MGAT4C: variants seen among roughly 807,000 people sequenced by gnomAD.
MGAT4C encodes MGAT4 family member C, also known as alpha-1,3-mannosyl-glycoprotein 4-beta-N-acetylglucosaminyltransferase C.
A neutral mutation model predicts 40.1 loss-of-function variants in MGAT4C; 19 were observed. The ratio of observed to expected loss-of-function variants is 0.47; its 90% confidence interval spans 0.33 to 0.70. The LOEUF (loss-of-function observed/expected upper bound fraction) is 0.70. Among genes scored for constraint, MGAT4C ranks in the 30% least tolerant of loss-of-function variants. The pLI is 0.02. For missense variants in MGAT4C, 491 were observed against 563.2 expected (o/e 0.87, Z 1.30); for synonymous variants, 181 against 187.1 (o/e 0.97, Z 0.27).
At chr12:86,056,269 T>A (rs1222378497) in intron 1 of MGAT4C, among the ~76,000 whole-genome samples, 1 of 152,178 alleles carries the variant, frequency 6.6e-6, no homozygotes, top group East Asian at 1.9e-4. Flanking sequence ...CGTTCTAGGG[T>A]ACACGTGCAC....
At chr12:86,081,039 G>A (rs188121838) in intron 1 of MGAT4C, among the ~76,000 whole-genome samples, 8 of 152,280 alleles carry the variant, frequency 5.3e-5, no homozygotes, top group Non-Finnish European at 1.2e-4. Flanking sequence ...TAGTTGATGT[G>A]AATAGGTTAC....
At chr12:86,810,577 T>C (rs1454645927) in intron 1 of MGAT4C, among the ~76,000 whole-genome samples, 2 of 151,942 alleles carry the variant, frequency 1.3e-5, no homozygotes, top group African/African-American at 4.8e-5. Flanking sequence ...CTTGTGTCAA[T>C]GGATATGATC....
intron 3 of MGAT4C, among the ~76,000 whole-genome samples, chr12:86,432,202 C>A (rs1339227475): frequency 6.6e-6 from 1 of 151,960 alleles, no homozygotes; most frequent in Non-Finnish European, 1.5e-5. Flanking sequence ...ATGTAACTAC[C>A]TCAGAAAATT....
intron 2 of MGAT4C, among the ~76,000 whole-genome samples, chr12:86,046,307 A>T (rs1892390846): frequency 6.6e-6 from 1 of 152,216 alleles, no homozygotes; most frequent in South Asian, 2.1e-4. Context: ...AGAATGCAGT[A>T]GAACTGACAG....
chr12:86,338,958 CAAAAAAA>C (rs67462771), intron 3 of MGAT4C, among the ~76,000 whole-genome samples: 5 of 66,118 alleles, frequency 7.6e-5, no homozygotes, highest in Non-Finnish European at 1.3e-4. Context: ...GACTCCATCT[CAAAAAAA>C]AAAAAAAAAA....
At chr12:86,509,140 C>T (rs996916760) in intron 2 of MGAT4C, among the ~76,000 whole-genome samples, 1 of 152,092 alleles carries the variant, frequency 6.6e-6, no homozygotes, top group African/African-American at 2.4e-5. Flanking sequence ...TTGACCATGC[C>T]TATGTCCTGA....
At chr12:86,730,743 T>G (rs1950894555) in intron 1 of MGAT4C, among the ~76,000 whole-genome samples, 1 of 152,078 alleles carries the variant, frequency 6.6e-6, no homozygotes, top group African/African-American at 2.4e-5. Context: ...GCACATGACG[T>G]GGGTTAAAGA....
In MGAT4C at chr12:86,153,031, C is replaced by G. The variant is rs149171198; in HGVS notation, c.-57+103208G>C. Among the ~76,000 whole-genome samples, 85 of 152,240 alleles carry G rather than the reference C, an allele frequency of 5.6e-4. 1 individual carries two copies. The highest frequency in any genetic ancestry group is 1.0e-3 in the Non-Finnish European group (69 of 68,028). Reference sequence around the variant, plus strand: ...TGATAGTACAAACTGTTACATTTTCCACTTCACAGATCCCAATCTGCACCA... The same window carrying G: ...TGATAGTACAAACTGTTACATTTTCGACTTCACAGATCCCAATCTGCACCA... On this transcript the variant is annotated intron_variant, in intron 1 of 4. Transcript: ENST00000611864.
intron 3 of MGAT4C, among the ~76,000 whole-genome samples, chr12:86,419,387 T>C (rs905125353): frequency 1.3e-5 from 2 of 151,422 alleles, no homozygotes; most frequent in Non-Finnish European, 2.9e-5. Flanking sequence ...TACATACATA[T>C]ATATGTACAT....
At chr12:86,578,104 T>A (rs1055855435) in intron 2 of MGAT4C, among the ~76,000 whole-genome samples, 1 of 151,680 alleles carries the variant, frequency 6.6e-6, no homozygotes, top group African/African-American at 2.4e-5. Context: ...ATCCTCCAAA[T>A]GGCAAGAATA....
At chr12:86,246,333 C>T (rs879801583) in intron 1 of MGAT4C, among the ~76,000 whole-genome samples, 1 of 151,872 alleles carries the variant, frequency 6.6e-6, no homozygotes. Context: ...CTACAGGCGC[C>T]CGTCAACCAT....
At chr12:86,709,699 C>A (rs963109655) in intron 2 of MGAT4C, among the ~76,000 whole-genome samples, 1 of 152,088 alleles carries the variant, frequency 6.6e-6, no homozygotes, top group Non-Finnish European at 1.5e-5. Context: ...AAAGCAGGAA[C>A]CTTCCCTCTC....
chr12:86,355,547 C>G (rs11838114), intron 3 of MGAT4C, among the ~76,000 whole-genome samples: 9,796 of 151,992 alleles, frequency 0.064, 767 homozygotes, highest in East Asian at 0.25. Context: ...AATGTAAAAC[C>G]TTTTAGGCAA....
intron 2 of MGAT4C, among the ~76,000 whole-genome samples, chr12:86,532,817 C>T (rs1474366854): frequency 6.6e-6 from 1 of 151,894 alleles, no homozygotes; most frequent in African/African-American, 2.4e-5. Context: ...GATATTTTTA[C>T]ACTTTGCTTT....
intron 1 of MGAT4C, among the ~76,000 whole-genome samples, chr12:86,174,450 A>G (rs1209912769): frequency 6.6e-6 from 1 of 152,106 alleles, no homozygotes; most frequent in African/African-American, 2.4e-5. Context: ...CCCCTAATTA[A>G]TGGCTTACTG....
chr12:86,656,153 GA>G (rs1963845133), intron 2 of MGAT4C, among the ~76,000 whole-genome samples: 1 of 151,876 alleles, frequency 6.6e-6, no homozygotes, highest in Non-Finnish European at 1.5e-5. Flanking sequence ...AAATATGTTA[GA>G]AAAATTTAGT....
At chr12:86,730,161 TA>T (rs1320050075) in intron 1 of MGAT4C, among the ~76,000 whole-genome samples, 2 of 151,606 alleles carry the variant, frequency 1.3e-5, no homozygotes, top group Non-Finnish European at 2.9e-5. Flanking sequence ...CGAACATAAA[TA>T]AAACAAAATA....
chr12:86,384,696 T>C (rs528345818), intron 3 of MGAT4C, among the ~76,000 whole-genome samples: 140 of 152,378 alleles, frequency 9.2e-4, no homozygotes, highest in African/African-American at 3.3e-3. Context: ...ATTTCCTTTT[T>C]GTATCAGAAA....
chr12:86,188,319 C>A (rs1889005600), intron 1 of MGAT4C, among the ~76,000 whole-genome samples: 1 of 151,938 alleles, frequency 6.6e-6, no homozygotes, highest in Non-Finnish European at 1.5e-5. Context: ...AAAAGAAATT[C>A]TTTGAAACAG....
Sources: gnomAD v4.1 joint callset for allele counts (sites outside exome capture counted in the v4.1 genomes callset) on GRCh38, gnomAD v4.1.1 for gene constraint, MANE v1.5 for transcripts, NCBI Gene and HGNC (gene_info 2026-07-23, HGNC 2026-07-21) for gene names.